The following KIAA2012 variants were observed in gnomAD, a reference collection of about 807,000 sequenced individuals.
KIAA2012 encodes the protein uncharacterized protein KIAA2012.
In KIAA2012, 125 loss-of-function variants were observed where a neutral mutation model predicts 150.6. That is an observed-to-expected ratio of 0.83 (90% confidence interval 0.72 to 0.96). The LOEUF (loss-of-function observed/expected upper bound fraction) is 0.96, where lower values mean the gene tolerates loss of function less well. KIAA2012 is among the 40% of genes least tolerant of loss of function. KIAA2012 has a pLI of 0.00. For missense variants in KIAA2012, 1,219 were observed against 1,354.9 expected (o/e 0.90, Z 1.57); for synonymous variants, 462 against 504.7 (o/e 0.92, Z 1.13).
intron 2 of KIAA2012, among the ~76,000 whole-genome samples, chr2:202,082,726 A>G (rs1689479506): frequency 6.6e-6 from 1 of 151,964 alleles, no homozygotes; most frequent in South Asian, 2.1e-4. Context: ...CTTTTCCCCT[A>G]TGGTTGTAAA....
intron 15 of KIAA2012, among the ~76,000 whole-genome samples, chr2:202,181,164 C>T (rs1159062814): frequency 6.6e-6 from 1 of 152,102 alleles, no homozygotes; most frequent in African/African-American, 2.4e-5. Flanking sequence ...GAGACAGGAT[C>T]TCACCATGCT....
Position 202,073,361 on chromosome 2 carries a change from G to T in KIAA2012, c.-267G>T, listed in dbSNP as rs1441446102. On this transcript the variant is annotated 5_prime_UTR_variant, in exon 1 of 24. Transcript: ENST00000498697. The stretch of plus-strand genomic sequence containing the variant: ...GAGCTCAGGAGAAGGGGAGAGACAG[G>T]TCGCCCAGAGAGTAGACAATCCAGG... The T allele has an allele frequency of 2.7e-6, 1 of 374,992 alleles. No individual in the cohort carries two copies. The highest frequency in any genetic ancestry group is 3.9e-5 in the Admixed American group (1 of 25,846). 23.2% of individuals were successfully genotyped at this position (374,992 alleles called of 1,614,324 possible).
rs571686717 is a variant in KIAA2012, at chr2:202,125,935, CTTTTTTTTTTT to C, written c.1831+679_1831+689del. The C allele has an allele frequency of 2.0e-3, 271 of 137,626 alleles. 2 individuals carry two copies. The highest frequency in any genetic ancestry group is 3.2e-3 in the South Asian group (69 of 21,468). 8.5% of individuals were successfully genotyped at this position (137,626 alleles called of 1,614,324 possible). On this transcript the variant is annotated intron_variant, in intron 12 of 23. Coordinates refer to ENST00000498697, the MANE Select transcript of KIAA2012 (RefSeq NM_001277372.4). ...GAAATGTGAGTGGTGTTCCTGGCTG[CTTTTTTTTTTT>C]TTTTTTTTTTTTTTTTTTTTTTTTT...
At position 202,093,110 on chromosome 2, in the gene KIAA2012, GGT is replaced by G. The variant is rs1689770785; in HGVS notation, c.613_614del (p.Val205ThrfsTer22). ...KKLRPQQDLS[G>X]VPPKYHLLPV... ...GCTCAGGCCACAACAAGATCTTTCAGGTGTACCCCCAAAATACCATCTCCTGC... is the reference window on the plus strand; with the variant it reads ...GCTCAGGCCACAACAAGATCTTTCAGGTACCCCCAAAATACCATCTCCTGC... On this transcript the variant is annotated frameshift_variant, in exon 4 of 24. Transcript: ENST00000498697. LOFTEE classifies it high-confidence loss of function. 2 of 1,550,850 alleles carry G rather than the reference GGT, an allele frequency of 1.3e-6. No individual in the cohort carries two copies. The highest frequency in any genetic ancestry group is 1.7e-6 in the Non-Finnish European group (2 of 1,147,058).
Position 202,202,491 on chromosome 2 carries a change from G to C in KIAA2012, c.3470G>C (p.Gly1157Ala). ...FYQELHKEAS[G>A]LQWTQNISRP... is the part of the protein sequence containing the mutation. The stretch of plus-strand genomic sequence containing the variant: ...CAAGAACTCCATAAGGAAGCCAGTG[G>C]CCTGCAGTGGACACAGAACATTTCC... The change falls in exon 23 of 24, where the codon GGC becomes GCC. Residue 1157 changes from glycine (G) to alanine (A), a missense_variant. Gly to Ala is a moderately conservative substitution (Grantham distance 60, BLOSUM62 0). Coordinates refer to ENST00000498697, the MANE Select transcript of KIAA2012 (RefSeq NM_001277372.4). The C allele has an allele frequency of 2.5e-6, 1 of 399,234 alleles. No homozygotes were observed. The highest frequency in any genetic ancestry group is 4.4e-6 in the Non-Finnish European group (1 of 226,270). The allele number at this position is 399,234 out of a possible 1,614,324, so 24.7% of individuals were successfully genotyped here.
chr2:202,149,772 A>G (rs1691385164), intron 13 of KIAA2012, among the ~76,000 whole-genome samples: 1 of 152,124 alleles, frequency 6.6e-6, no homozygotes, highest in Non-Finnish European at 1.5e-5. Context: ...TTAGAATTTC[A>G]TCTCCTTCTT....
intron 8 of KIAA2012, 54 bp from the exon 9 acceptor site, chr2:202,105,707 T>A: frequency 6.5e-7 from 1 of 1,528,376 alleles, no homozygotes; most frequent in Non-Finnish European, 8.8e-7. Flanking sequence ...AGAAGAGACA[T>A]TAGGCAAAAA....
intron 15 of KIAA2012, chr2:202,180,100 C>T (rs1692087784): frequency 1.1e-5 from 4 of 353,512 alleles, no homozygotes; most frequent in South Asian, 9.3e-5. Flanking sequence ...GGAGAAACCC[C>T]ATCTCTATTA....
chr2:202,083,013 C>T (rs539974731), intron 2 of KIAA2012, among the ~76,000 whole-genome samples: 1 of 152,264 alleles, frequency 6.6e-6, no homozygotes, highest in South Asian at 2.1e-4. Flanking sequence ...CTCGTAGGAC[C>T]TGAAGCCTAA....
At chr2:202,179,156 C>T (rs962851886) in intron 15 of KIAA2012, 14 of 499,192 alleles carry the variant, frequency 2.8e-5, no homozygotes, top group South Asian at 1.6e-4. Flanking sequence ...TCATCTTCCC[C>T]ACTGGAATGT....
chr2:202,093,651 G>A (rs1286717596), intron 4 of KIAA2012, among the ~76,000 whole-genome samples: 3 of 152,176 alleles, frequency 2.0e-5, no homozygotes, highest in African/African-American at 7.2e-5. Context: ...CCAGAAATGT[G>A]TATCGAAATG....
intron 15 of KIAA2012, among the ~76,000 whole-genome samples, chr2:202,182,477 T>G (rs1692142252): frequency 6.6e-6 from 1 of 152,182 alleles, no homozygotes; most frequent in African/African-American, 2.4e-5. Context: ...TCATCCATAT[T>G]GCCAGGTATA....
At chr2:202,133,130 A>ATATATATATATATATATAT (rs1279080237) in intron 12 of KIAA2012, among the ~76,000 whole-genome samples, 1 of 67,794 alleles carries the variant, frequency 1.5e-5, no homozygotes, top group African/African-American at 5.8e-5. Context: ...ATATATATAT[A>ATATATATATATATATATAT]TTTTTTTTTT....
chr2:202,095,955 A>C (rs759985506), intron 4 of KIAA2012, among the ~76,000 whole-genome samples: 2 of 152,104 alleles, frequency 1.3e-5, no homozygotes, highest in Non-Finnish European at 2.9e-5. Flanking sequence ...ATGGTGGTGC[A>C]TGCCTATAAT....
intron 15 of KIAA2012, among the ~76,000 whole-genome samples, chr2:202,183,371 G>A (rs1195977587): frequency 2.0e-5 from 3 of 147,966 alleles, no homozygotes; most frequent in Non-Finnish European, 4.4e-5. Context: ...AGTGAGCCGG[G>A]ATTGTGCCAC....
chr2:202,103,876 T>C (rs1690114313), intron 8 of KIAA2012, among the ~76,000 whole-genome samples: 1 of 152,218 alleles, frequency 6.6e-6, no homozygotes, highest in Non-Finnish European at 1.5e-5. Flanking sequence ...TTTCATTCCA[T>C]AGTACTCTTG....
chr2:202,073,441 G>C lies in KIAA2012; in HGVS notation c.-187G>C, dbSNP rs1234713603. ...TTTTCTCTCCACAAAGACACACACT[G>C]TCTAAACTGTGTGGCTGGTTGTTAC... On this transcript the variant is annotated 5_prime_UTR_variant, in exon 1 of 24. Coordinates refer to ENST00000498697, the MANE Select transcript of KIAA2012 (RefSeq NM_001277372.4). 3.4e-6 allele frequency: 2 copies of C among 587,638 alleles called. No individual in the cohort carries two copies. Among genetic ancestry groups the C allele is most frequent in the Non-Finnish European group, 6.1e-6 (2 of 330,240 alleles). The allele number at this position is 587,638 out of a possible 1,614,324, so 36.4% of individuals were successfully genotyped here. A position where few individuals can be genotyped will look rare whatever the true frequency, so the allele number is the denominator to read the frequency against.
intron 13 of KIAA2012, among the ~76,000 whole-genome samples, chr2:202,141,510 T>G (rs1691196905): frequency 6.6e-6 from 1 of 152,116 alleles, no homozygotes; most frequent in East Asian, 1.9e-4. Context: ...ATGAACTGCT[T>G]CCCCACTGTG....
At chr2:202,077,918 A>C (rs533725090) in intron 2 of KIAA2012, among the ~76,000 whole-genome samples, 1 of 152,372 alleles carries the variant, frequency 6.6e-6, no homozygotes, top group Non-Finnish European at 1.5e-5. Context: ...GCCTGGCAAG[A>C]AACTTTTAAA....
Sources: gnomAD v4.1 joint callset for allele counts (sites outside exome capture counted in the v4.1 genomes callset) on GRCh38, gnomAD v4.1.1 for gene constraint, MANE v1.5 for transcripts, NCBI Gene and HGNC (gene_info 2026-07-23, HGNC 2026-07-21) for gene names.